Variants in IZUMO1 observed in about 807,000 individuals in gnomAD.
IZUMO1 encodes izumo sperm-oocyte fusion 1.
Under a neutral mutation model 40.7 loss-of-function variants are expected in IZUMO1, and 44 were observed. The ratio of observed to expected loss-of-function variants is 1.08; its 90% CI spans 0.85 to 1.39. The LOEUF (loss-of-function observed/expected upper bound fraction) is 1.39. Among genes scored for constraint, IZUMO1 ranks in the 40% most tolerant of loss-of-function variants. IZUMO1 has a pLI of 0.00. For missense variants in IZUMO1, 368 were observed against 436.9 expected (o/e 0.84, Z 1.41); for synonymous variants, 149 against 170.9 (o/e 0.87, Z 1.00).
Position 48,746,881 on chromosome 19 carries a change from A to G in IZUMO1, c.-520T>C. 1 of 985,384 alleles carries G rather than the reference A, an allele frequency of 1.0e-6. No individual in the cohort carries two copies. The highest frequency in any genetic ancestry group is 1.2e-6 in the Non-Finnish European group (1 of 829,904). The allele number at this position is 985,384 out of a possible 1,614,324, so 61.0% of individuals were successfully genotyped here. A position where few individuals can be genotyped will look rare whatever the true frequency, so the allele number is the denominator to read the frequency against. On this transcript the variant is annotated 5_prime_UTR_variant, in exon 1 of 10. Transcript: ENST00000332955. ...ACCACCCCCTCCGAGCTTCTCACGT[A>G]GGGGCCCGAATTCCTTTATAGATAT...
chr19:48,740,984 A>G lies in IZUMO1; in HGVS notation c.977T>C (p.Leu326Pro). The G allele has an allele frequency of 6.2e-7, 1 of 1,614,172 alleles. No homozygotes were observed. The highest frequency in any genetic ancestry group is 1.1e-5 in the South Asian group (1 of 91,090). The change falls in exon 10 of 10, where the codon CTG becomes CCG. Residue 326 changes from leucine (L) to proline (P), a missense_variant. Transcript: ENST00000332955. The surrounding 1 kb of genome is among the most constrained non-coding windows in gnomAD (Gnocchi z 5.5). ...RKVIDFIKSS[L>P]FGLGSGAAEQ... ...GGCCGCTCCACTGCCAAGGCCAAAC[A>G]GTGAGGATTTGATGAAATCGATCAC... is the stretch of plus-strand genomic sequence containing the variant.
intron 7 of IZUMO1, 114 bp downstream of exon 7, chr19:48,742,095 C>T: frequency 6.7e-7 from 1 of 1,484,808 alleles, no homozygotes; most frequent in East Asian, 2.3e-5. Flanking sequence ...GTAGAGACCA[C>T]ACCTAATAGA....
In IZUMO1 at chr19:48,741,772, A is replaced by G; in HGVS notation, c.754+17T>C. 6.5e-7 allele frequency: 1 copy of G among 1,541,498 alleles called. No individual in the cohort carries two copies. The highest frequency in any genetic ancestry group is 1.2e-5 in the South Asian group (1 of 81,278). Reference sequence around the variant, plus strand: ...GGGCCCTGAATCCTACACTTCTCTCAGCCCCACAGCACTGACCTGTGACGT... The same window carrying G: ...GGGCCCTGAATCCTACACTTCTCTCGGCCCCACAGCACTGACCTGTGACGT... On this transcript the variant is annotated intron_variant, in intron 8 of 9. Transcript: ENST00000332955. The surrounding 1 kb of genome is among the most constrained non-coding windows in gnomAD (Gnocchi z 4.4).
Position 48,741,720 on chromosome 19 carries a change from G to T in IZUMO1, c.754+69C>A. 2 of 1,484,336 alleles carry T rather than the reference G, an allele frequency of 1.3e-6. No individual in the cohort carries two copies. Among genetic ancestry groups the T allele is most frequent in the Non-Finnish European group, 1.8e-6 (2 of 1,111,858 alleles). 91.9% of individuals were successfully genotyped at this position (1,484,336 alleles called of 1,614,324 possible). On this transcript the variant is annotated intron_variant, in intron 8 of 9. Coordinates refer to ENST00000332955, the MANE Select transcript of IZUMO1 (RefSeq NM_182575.3). The surrounding 1 kb of genome is among the most constrained non-coding windows in gnomAD (Gnocchi z 4.4). ...GTCACGCCCCCATCGCCAAGGCCAC[G>T]CCCCCGCCGCGGACCCCAGCTTTCC...
chr19:48,746,189 A>G lies in IZUMO1; in HGVS notation c.-74+246T>C, dbSNP rs56168689. On this transcript the variant is annotated intron_variant, in intron 1 of 9. Transcript: ENST00000332955. The stretch of plus-strand genomic sequence containing the variant: ...TCACTCATAAGTCCCCAAACTCAGA[A>G]CCTGGAATCTCCCAACCCCATGCGC... 2.2e-3 allele frequency: 2,549 copies of G among 1,144,782 alleles called. 58 individuals are homozygous for G. In the African/African-American group the frequency reaches 0.034, roughly 15 times the overall value. 70.9% of individuals were successfully genotyped at this position (1,144,782 alleles called of 1,614,324 possible).
chr19:48,745,804 G>T lies in IZUMO1; in HGVS notation c.56C>A (p.Ala19Asp). Reference sequence around the variant, plus strand: ...CGGGTCACATATAACACACCCCTCGGCAGGAAGCAAGCAACCGGCCAGCGC... The same window carrying T: ...CGGGTCACATATAACACACCCCTCGTCAGGAAGCAAGCAACCGGCCAGCGC... ...CAALAGCLLP[A>D]EGCVICDPSV... The change falls in exon 2 of 10, where the codon GCC becomes GAC. Residue 19 changes from alanine (A) to aspartate (D), a missense_variant. Ala to Asp is a moderately radical substitution (Grantham distance 126). Transcript: ENST00000332955. The T allele has an allele frequency of 6.2e-7, 1 of 1,614,184 alleles. No individual in the cohort carries two copies. The highest frequency in any genetic ancestry group is 8.5e-7 in the Non-Finnish European group (1 of 1,180,032).
chr19:48,741,947 A>T lies in IZUMO1; in HGVS notation c.601-5T>A. 6.3e-7 allele frequency: 1 copy of T among 1,588,916 alleles called. No individual in the cohort carries two copies. Among genetic ancestry groups the T allele is most frequent in the Non-Finnish European group, 8.6e-7 (1 of 1,164,554 alleles). On this transcript the variant is annotated splice_region_variant and splice_polypyrimidine_tract_variant and intron_variant, in intron 7 of 9. Transcript: ENST00000332955. The surrounding 1 kb of genome is among the most constrained non-coding windows in gnomAD (Gnocchi z 4.4). ...CTCCGTATTGTTCCCCCAAACCTAG[A>T]CCCAAGCTCAAGGGGTCACTGAGGC...
intron 1 of IZUMO1, chr19:48,746,228 C>G: frequency 9.4e-7 from 1 of 1,067,010 alleles, no homozygotes; most frequent in East Asian, 7.2e-5. Flanking sequence ...TTCCCAAAAT[C>G]CCAAACTGTG....
chr19:48,743,329 C>T (rs2033777953), intron 6 of IZUMO1, 116 bp downstream of exon 6: 4 of 939,570 alleles, frequency 4.3e-6, no homozygotes, highest in African/African-American at 3.3e-5. Context: ...CTGGCCTAAA[C>T]CCTACCTTTT....
rs929154492 is a variant in IZUMO1 at position 48,746,485 on chromosome 19, G to A, written c.-124C>T. 25 of 987,448 alleles carry A rather than the reference G, an allele frequency of 2.5e-5. No homozygotes were observed. The highest frequency in any genetic ancestry group is 1.1e-4 in the East Asian group (1 of 8,990). 61.2% of individuals were successfully genotyped at this position (987,448 alleles called of 1,614,324 possible). On this transcript the variant is annotated 5_prime_UTR_variant, in exon 1 of 10. Coordinates refer to ENST00000332955, the MANE Select transcript of IZUMO1 (RefSeq NM_182575.3). ...CTAACACTTAAGCGAGACTCCATGC[G>A]GTCCTCTAGACCTAGGGGGCCCTTG...
Position 48,741,709 on chromosome 19 carries a change from G to T in IZUMO1, c.754+80C>A. 1 of 1,462,498 alleles carries T rather than the reference G, an allele frequency of 6.8e-7. No homozygotes were observed. The allele number at this position is 1,462,498 out of a possible 1,614,324, so 90.6% of individuals were successfully genotyped here. A position where few individuals can be genotyped will look rare whatever the true frequency, so the allele number is the denominator to read the frequency against. On this transcript the variant is annotated intron_variant, in intron 8 of 9. Coordinates refer to ENST00000332955, the MANE Select transcript of IZUMO1 (RefSeq NM_182575.3). The surrounding 1 kb of genome is among the most constrained non-coding windows in gnomAD (Gnocchi z 4.4). Reference sequence around the variant, plus strand: ...CCCAACAGGAAGTCACGCCCCCATCGCCAAGGCCACGCCCCCGCCGCGGAC... The same window carrying T: ...CCCAACAGGAAGTCACGCCCCCATCTCCAAGGCCACGCCCCCGCCGCGGAC...
rs774007804 is a variant in IZUMO1, at chr19:48,741,043, G to A, written c.933-15C>T. The stretch of plus-strand genomic sequence containing the variant: ...GACGAAATATCCTAGGGGTGGGAGT[G>A]GGGTGCAGATCATGGAACCGGTTTG... On this transcript the variant is annotated splice_polypyrimidine_tract_variant and intron_variant, in intron 9 of 9. Transcript: ENST00000332955. This position sits in a 1 kb window ranked among gnomAD's most constrained non-coding sequence, Gnocchi z 4.4. The A allele has an allele frequency of 5.0e-6, 8 of 1,613,466 alleles. No individual in the cohort carries two copies. The Middle Eastern group carries it at 5.3e-4, about 107-fold the overall frequency.
At chr19:48,744,317 GAAA>G in intron 4 of IZUMO1, 122 bp from the exon 5 acceptor site, 1 of 1,243,170 alleles carries the variant, frequency 8.0e-7, no homozygotes. Context: ...GTTCGAGGGA[GAAA>G]AGACTTGGGT....
At position 48,745,210 on chromosome 19, in the gene IZUMO1, T is replaced by C; in HGVS notation, c.310+4A>G. 2 of 1,612,540 alleles carry C rather than the reference T, an allele frequency of 1.2e-6. No individual in the cohort carries two copies. The highest frequency in any genetic ancestry group is 1.7e-6 in the Non-Finnish European group (2 of 1,178,662). On this transcript the variant is annotated splice_donor_region_variant and intron_variant, in intron 3 of 9. Coordinates refer to ENST00000332955, the MANE Select transcript of IZUMO1 (RefSeq NM_182575.3). ...CGGGACTCCCACCCCCTTGATGCAT[T>C]TACCTTTTACATCACTGTCTGTGAT...
In IZUMO1 at chr19:48,745,853, G is replaced by A. The variant is rs2033870143; in HGVS notation, c.7C>T (p.Pro3Ser). 1 of 1,614,140 alleles carries A rather than the reference G, an allele frequency of 6.2e-7. No individual in the cohort carries two copies. The highest frequency in any genetic ancestry group is 1.1e-5 in the South Asian group (1 of 91,078). MGPHFTLLCAALA... is the reference protein window; with the variant it reads MGSHFTLLCAALA... Reference sequence around the variant, plus strand: ...GCCGCACACAGGAGGGTAAAATGCGGCCCCATTGCAGCCGGCGCGCACAGT... The same window carrying A: ...GCCGCACACAGGAGGGTAAAATGCGACCCCATTGCAGCCGGCGCGCACAGT... The change falls in exon 2 of 10, where the codon CCG becomes TCG. Residue 3 changes from proline (P) to serine (S), a missense_variant. Transcript: ENST00000332955.
intron 6 of IZUMO1, among the ~76,000 whole-genome samples, chr19:48,742,723 C>CT (rs1394237825): frequency 2.7e-5 from 3 of 112,548 alleles, no homozygotes; most frequent in African/African-American, 1.1e-4. Context: ...CTTTCTCTCT[C>CT]TCTTTTTTTT....
rs2033697761 is a variant in IZUMO1, at chr19:48,741,658, GCCACACCCCGTGCCCCGAAA to G, written c.754+111_754+130del. 2 of 1,309,974 alleles carry G rather than the reference GCCACACCCCGTGCCCCGAAA, an allele frequency of 1.5e-6. No homozygotes were observed. Among genetic ancestry groups the G allele is most frequent in the African/African-American group, 3.0e-5 (2 of 67,222 alleles). 81.1% of individuals were successfully genotyped at this position (1,309,974 alleles called of 1,614,324 possible). A position where few individuals can be genotyped will look rare whatever the true frequency, so the allele number is the denominator to read the frequency against. ...CCAGAGGCCACGCCCCCGGCAGGAA[GCCACACCCCGTGCCCCGAAA>G]CCACACCCAACAGGAAGTCACGCCC... On this transcript the variant is annotated intron_variant, in intron 8 of 9. Transcript: ENST00000332955. This position sits in a 1 kb window ranked among gnomAD's most constrained non-coding sequence, Gnocchi z 4.4.
intron 3 of IZUMO1, 101 bp downstream of exon 3, chr19:48,745,113 G>T: frequency 1.0e-6 from 1 of 953,052 alleles, no homozygotes; most frequent in South Asian, 1.4e-5. Flanking sequence ...TGGAATCTAG[G>T]CGGTCTGGGT....
chr19:48,743,115 C>T (rs1359293513), intron 6 of IZUMO1: 2 of 333,362 alleles, frequency 6.0e-6, no homozygotes, highest in South Asian at 3.0e-5. Context: ...CAGTCTCCAA[C>T]TCCTGGGTCC....
Sources: gnomAD v4.1 joint callset for allele counts (sites outside exome capture counted in the v4.1 genomes callset) on GRCh38, gnomAD v4.1.1 for gene constraint, Gnocchi (gnomAD v3.1) non-coding constraint, MANE v1.5 for transcripts, NCBI Gene and HGNC (gene_info 2026-07-23, HGNC 2026-07-21) for gene names.